Variants in SCN1A observed in about 807,000 individuals in gnomAD.
SCN1A encodes sodium channel protein type 1 subunit alpha.
Under a neutral mutation model 193.7 loss-of-function variants are expected in SCN1A, and 13 were observed. The observed-to-expected ratio is 0.07, with a 90% CI of 0.04 to 0.11. SCN1A has a LOEUF of 0.11. Ranked by LOEUF, SCN1A falls within the 10% of genes least tolerant of loss-of-function variation. The pLI, the probability that SCN1A is intolerant of heterozygous loss-of-function variation, is 1.00. For missense variants in SCN1A, 1,432 were observed against 2,451.1 expected (o/e 0.58, Z 8.78); for synonymous variants, 781 against 843.6 (o/e 0.93, Z 1.29).
chr2:166,016,464 TAAA>T (rs1433123336), intron 19 of SCN1A: 1 of 152,004 alleles, frequency 6.6e-6, no homozygotes, highest in African/African-American at 2.4e-5. Flanking sequence ...AAAATCTAGT[TAAA>T]CAACAACAAC....
At chr2:166,105,908 C>A (rs2106168816) in intron 2 of SCN1A, among the ~76,000 whole-genome samples, 1 of 152,316 alleles carries the variant, frequency 6.6e-6, no homozygotes, top group East Asian at 1.9e-4. Flanking sequence ...AGAAACCGGG[C>A]CGGGCGCGGT....
chr2:166,094,278 A>G (rs1186594819), intron 2 of SCN1A, among the ~76,000 whole-genome samples: 1 of 152,220 alleles, frequency 6.6e-6, no homozygotes, highest in Non-Finnish European at 1.5e-5. Flanking sequence ...GGAATGGACT[A>G]CTTGCAAACA....
At chr2:166,105,081 A>C (rs1366031202) in intron 2 of SCN1A, among the ~76,000 whole-genome samples, 2 of 152,210 alleles carry the variant, frequency 1.3e-5, no homozygotes, top group Non-Finnish European at 2.9e-5. Context: ...ATAGAGGAAA[A>C]AGTGTGAAGT....
chr2:166,102,870 A>G (rs1334157487), intron 2 of SCN1A, among the ~76,000 whole-genome samples: 3 of 152,238 alleles, frequency 2.0e-5, no homozygotes, highest in Admixed American at 2.0e-4. Flanking sequence ...ACACAGCCAT[A>G]AATAAGAACA....
intron 2 of SCN1A, among the ~76,000 whole-genome samples, chr2:166,087,327 A>G (rs1686247584): frequency 6.6e-6 from 1 of 152,128 alleles, no homozygotes; most frequent in African/African-American, 2.4e-5. Flanking sequence ...TTAGCTGGGC[A>G]TGGTGGTGCA....
In SCN1A at chr2:166,057,276, C is replaced by T. The variant is rs537682857; in HGVS notation, c.384-776G>A. On this transcript the variant is annotated intron_variant, in intron 5 of 28. Transcript: ENST00000674923. ...TAAATGAGTTAATGTATTGGAAATG[C>T]TTGGAACAGTCACGGTACGTAAGTA... Among the ~76,000 whole-genome samples the T allele has an allele frequency of 3.3e-5, 5 of 152,018 alleles. No individual in the cohort carries two copies. The East Asian group carries it at 7.7e-4, about 23-fold the overall frequency.
At chr2:166,041,995 A>C (rs1193085772) in intron 15 of SCN1A, among the ~76,000 whole-genome samples, 3 of 152,158 alleles carry the variant, frequency 2.0e-5, no homozygotes, top group African/African-American at 7.2e-5. Flanking sequence ...TAATGGAACA[A>C]AAAGAGGGTC....
intron 8 of SCN1A, 111 bp from the exon 9 acceptor site, chr2:166,052,099 C>T (rs549388065): frequency 3.1e-4 from 300 of 971,396 alleles, no homozygotes; most frequent in Non-Finnish European, 4.0e-4. Context: ...AGAATGTTTG[C>T]AACGCTAGTG....
chr2:166,117,725 G>A (rs998536294), intron 2 of SCN1A, among the ~76,000 whole-genome samples: 2 of 152,146 alleles, frequency 1.3e-5, no homozygotes, highest in Non-Finnish European at 2.9e-5. Context: ...GGCCGGGCAC[G>A]GAGGTTCATG....
At position 166,073,647 on chromosome 2, in the gene SCN1A, CCAT is replaced by C. The variant is rs1559285687; in HGVS notation, c.-29_-27del. 6.2e-7 allele frequency: 1 copy of C among 1,612,914 alleles called. No individual in the cohort carries two copies. On this transcript the variant is annotated 5_prime_UTR_variant, in exon 4 of 29. An upstream start codon of the reference 5' UTR is lost. Transcript: ENST00000674923. ...CTTGTCATCCTGCACATTTTAATTA[CCAT>C]TTATTCTGCATATGAAATTCCTAAA...
chr2:166,015,833 T>A lies in SCN1A; in HGVS notation c.3430-106A>T, dbSNP rs138869995. On this transcript the variant is annotated intron_variant, in intron 19 of 28. Transcript: ENST00000674923. Reference sequence around the variant, plus strand: ...AATTTGTTTTTTATTCTTCTTGAGGTAGAGATATTTTTAGAGAAAAAGAGA... The same window carrying A: ...AATTTGTTTTTTATTCTTCTTGAGGAAGAGATATTTTTAGAGAAAAAGAGA... The A allele has an allele frequency of 5.5e-6, 7 of 1,266,838 alleles. No individual in the cohort carries two copies. In the East Asian group the frequency reaches 9.5e-5, roughly 17 times the overall value. 78.5% of individuals were successfully genotyped at this position (1,266,838 alleles called of 1,614,324 possible). A position where few individuals can be genotyped will look rare whatever the true frequency, so the allele number is the denominator to read the frequency against.
At chr2:166,108,429 T>C (rs1688935304) in intron 2 of SCN1A, among the ~76,000 whole-genome samples, 1 of 152,086 alleles carries the variant, frequency 6.6e-6, no homozygotes, top group Non-Finnish European at 1.5e-5. Context: ...ATAGATTCAT[T>C]ATATGACCCA....
intron 8 of SCN1A, 87 bp from the exon 9 acceptor site, chr2:166,052,075 CA>C: frequency 2.3e-6 from 3 of 1,286,554 alleles, no homozygotes; most frequent in Non-Finnish European, 3.3e-6. Flanking sequence ...ACATAGATTT[CA>C]TTCATAAATC....
At position 165,991,027 on chromosome 2, in the gene SCN1A, G is replaced by T; in HGVS notation, c.*218C>A. On this transcript the variant is annotated 3_prime_UTR_variant, in exon 29 of 29. Coordinates refer to ENST00000674923, the MANE Select transcript of SCN1A (RefSeq NM_001165963.4). ...ATCTTCAGCAGTGTCAGCTGGTAGT[G>T]AGAACAGTAACCTCCTGTCAAGGTC... 1 of 547,328 alleles carries T rather than the reference G, an allele frequency of 1.8e-6. No individual in the cohort carries two copies. Among genetic ancestry groups the T allele is most frequent in the Non-Finnish European group, 3.2e-6 (1 of 308,596 alleles). The allele number at this position is 547,328 out of a possible 1,614,324, so 33.9% of individuals were successfully genotyped here. A position where few individuals can be genotyped will look rare whatever the true frequency, so the allele number is the denominator to read the frequency against.
intron 18 of SCN1A, 105 bp downstream of exon 18, chr2:166,037,671 C>A: frequency 3.0e-6 from 3 of 988,156 alleles, no homozygotes; most frequent in Admixed American, 1.9e-5. Flanking sequence ...TTTTATTATA[C>A]TTTAAGTTTT....
chr2:166,006,238 T>C (rs908844821), intron 23 of SCN1A, among the ~76,000 whole-genome samples: 6 of 151,314 alleles, frequency 4.0e-5, no homozygotes, highest in African/African-American at 1.5e-4. Context: ...TAATAGAATC[T>C]TTCTTAAAAA....
At chr2:166,146,100 T>G (rs1692310911) in intron 1 of SCN1A, among the ~76,000 whole-genome samples, 1 of 152,140 alleles carries the variant, frequency 6.6e-6, no homozygotes. Flanking sequence ...CTGGGTCACT[T>G]GACAGAGTGG....
intron 27 of SCN1A, 49 bp downstream of exon 27, chr2:165,995,964 C>A (rs1341651643): frequency 8.0e-7 from 1 of 1,252,140 alleles, no homozygotes; most frequent in Admixed American, 1.7e-5. Flanking sequence ...GACAAGCATG[C>A]AAGTTTTTGT....
At chr2:166,117,043 A>C (rs1403426048) in intron 2 of SCN1A, among the ~76,000 whole-genome samples, 2 of 152,204 alleles carry the variant, frequency 1.3e-5, no homozygotes, top group Admixed American at 6.5e-5. Context: ...CTTTTTCAAA[A>C]TAATAATTTT....
Sources: gnomAD v4.1 joint callset for allele counts (sites outside exome capture counted in the v4.1 genomes callset) on GRCh38, gnomAD v4.1.1 for gene constraint, MANE v1.5 for transcripts, NCBI Gene and HGNC (gene_info 2026-07-23, HGNC 2026-07-21) for gene names.